SOX11: variants seen among roughly 807,000 people sequenced by gnomAD.
SOX11 encodes transcription factor SOX-11.
SOX11 carries 5 observed loss-of-function variants against 16.7 expected under a neutral mutation model. That is an observed-to-expected ratio of 0.30 (90% CI 0.16 to 0.63). SOX11 has a LOEUF of 0.63. Ranked by LOEUF, SOX11 falls within the 20% of genes least tolerant of loss-of-function variation. The probability of loss-of-function intolerance (pLI) is 0.82; values close to 1 mark genes in which losing one functional copy is unlikely to be tolerated. For missense variants in SOX11, 492 were observed against 641.5 expected, an observed-to-expected ratio of 0.77 and a Z score of 2.52; for synonymous variants, 363 against 298.8, an observed-to-expected ratio of 1.21 and a Z score of -2.22.
Position 5,692,655 on chromosome 2 carries a change from A to T in SOX11, c.-67A>T, listed in dbSNP as rs1175732989. The T allele has an allele frequency of 9.9e-6, 11 of 1,109,782 alleles. No homozygotes were observed. The highest frequency in any genetic ancestry group is 3.6e-5 in the African/African-American group (1 of 28,068). 68.7% of individuals were successfully genotyped at this position (1,109,782 alleles called of 1,614,324 possible). A position where few individuals can be genotyped will look rare whatever the true frequency, so the allele number is the denominator to read the frequency against. ...TTGCCCAGGAAGGTGGAGGGGTGGG[A>T]GGGGGAGGGGGACCTCCGCACGAGA... On this transcript the variant is annotated 5_prime_UTR_variant, in exon 1 of 1. Transcript: ENST00000322002.
Position 5,698,096 on chromosome 2 carries a change from A to G in SOX11, c.*4049A>G, listed in dbSNP as rs1196355296. On this transcript the variant is annotated 3_prime_UTR_variant, in exon 1 of 1. Coordinates refer to ENST00000322002, the MANE Select transcript of SOX11 (RefSeq NM_003108.4). ...ATAAAAGTAATTGTTTGGCAATCTA[A>G]ATTTAAAACCTGTTAGAACTCAGGA... is the stretch of plus-strand genomic sequence containing the variant. 2.4e-5 allele frequency: 4 copies of G among 167,032 alleles called. No homozygotes were observed. The highest frequency in any genetic ancestry group is 9.6e-5 in the African/African-American group (4 of 41,464). 10.3% of individuals were successfully genotyped at this position (167,032 alleles called of 1,614,324 possible). A position where few individuals can be genotyped will look rare whatever the true frequency, so the allele number is the denominator to read the frequency against.
chr2:5,694,511 T>C lies in SOX11; in HGVS notation c.*464T>C. On this transcript the variant is annotated 3_prime_UTR_variant, in exon 1 of 1. Transcript: ENST00000322002. ...AGGCGCTGTTTGAAGCTTGTCGGTC[T>C]TTGAAGTCTGGAAGACGTCTGCAGA... 1 of 308,070 alleles carries C rather than the reference T, an allele frequency of 3.2e-6. No individual in the cohort carries two copies. Among genetic ancestry groups the C allele is most frequent in the Non-Finnish European group, 6.2e-6 (1 of 160,668 alleles). 19.1% of individuals were successfully genotyped at this position (308,070 alleles called of 1,614,324 possible).
At position 5,692,701 on chromosome 2, in the gene SOX11, C is replaced by T; in HGVS notation, c.-21C>T. 6.5e-7 allele frequency: 1 copy of T among 1,540,954 alleles called. No individual in the cohort carries two copies. Among genetic ancestry groups the T allele is most frequent in the Non-Finnish European group, 8.8e-7 (1 of 1,139,510 alleles). On this transcript the variant is annotated 5_prime_UTR_variant, in exon 1 of 1. Transcript: ENST00000322002. ...CGAGACCCAGCGGCCCGGGTTGGAG[C>T]GTCCAGCCCTGCAGCGGATCATGGT...
rs1343594047 is a variant in SOX11 at position 5,694,859 on chromosome 2, T to C, written c.*812T>C. 1.8e-5 allele frequency: 3 copies of C among 166,104 alleles called. No individual in the cohort carries two copies. Among genetic ancestry groups the C allele is most frequent in the Non-Finnish European group, 2.9e-5 (2 of 68,018 alleles). The allele number at this position is 166,104 out of a possible 1,614,324, so 10.3% of individuals were successfully genotyped here. A position where few individuals can be genotyped will look rare whatever the true frequency, so the allele number is the denominator to read the frequency against. ...ATCAAATTGTTTATGGTTTTACAAATGTGATTTCTACTTGCCAACTTTTTT... is the reference window on the plus strand; with the variant it reads ...ATCAAATTGTTTATGGTTTTACAAACGTGATTTCTACTTGCCAACTTTTTT... On this transcript the variant is annotated 3_prime_UTR_variant, in exon 1 of 1. Coordinates refer to ENST00000322002, the MANE Select transcript of SOX11 (RefSeq NM_003108.4).
At position 5,701,342 on chromosome 2, in the gene SOX11, C is replaced by A. The variant is rs1665838001; in HGVS notation, c.*7295C>A. On this transcript the variant is annotated 3_prime_UTR_variant, in exon 1 of 1. Transcript: ENST00000322002. ...TGCAAGAGTTTTTCACAGAGGATTA[C>A]ATTTGTTCAAAAGACTCTAATAAAA... The A allele has an allele frequency of 6.0e-6, 1 of 166,998 alleles. No homozygotes were observed. The highest frequency in any genetic ancestry group is 2.4e-5 in the African/African-American group (1 of 41,426). 10.3% of individuals were successfully genotyped at this position (166,998 alleles called of 1,614,324 possible). A position where few individuals can be genotyped will look rare whatever the true frequency, so the allele number is the denominator to read the frequency against.
Position 5,693,510 on chromosome 2 carries a change from G to A in SOX11, c.789G>A (p.Pro263=), listed in dbSNP as rs746501349. The change falls in exon 1 of 1, where the codon CCG becomes CCA. Residue 263 remains proline, a synonymous_variant. Transcript: ENST00000322002. The surrounding 1 kb of genome is among the most constrained non-coding windows in gnomAD (Gnocchi z 8.6). ...TCCTGCAGCCGCCGGGGCAGCAGCC[G>A]TCGCAGCTGCTGAGACGCTACAACG... The part of the protein sequence containing the change: ...QQLLQPPGQQ[P]SQLLRRYNVA... 6.3e-7 allele frequency: 1 copy of A among 1,575,980 alleles called. No individual in the cohort carries two copies. The highest frequency in any genetic ancestry group is 8.6e-7 in the Non-Finnish European group (1 of 1,168,456).
In SOX11 at chr2:5,698,248, C is replaced by G. The variant is rs1173108927; in HGVS notation, c.*4201C>G. 1.2e-5 allele frequency: 2 copies of G among 166,984 alleles called. No homozygotes were observed. Among genetic ancestry groups the G allele is most frequent in the African/African-American group, 4.8e-5 (2 of 41,420 alleles). The allele number at this position is 166,984 out of a possible 1,614,324, so 10.3% of individuals were successfully genotyped here. ...TATAATACACATGGTATTCTTGCCA[C>G]TGGATAGTCTTCAATAAAAGTTTAA... On this transcript the variant is annotated 3_prime_UTR_variant, in exon 1 of 1. Coordinates refer to ENST00000322002, the MANE Select transcript of SOX11 (RefSeq NM_003108.4).
rs1665783829 is a variant in SOX11, at chr2:5,698,616, G to A, written c.*4569G>A. 1 of 166,846 alleles carries A rather than the reference G, an allele frequency of 6.0e-6. No individual in the cohort carries two copies. The highest frequency in any genetic ancestry group is 2.1e-4 in the South Asian group (1 of 4,820). The allele number at this position is 166,846 out of a possible 1,614,324, so 10.3% of individuals were successfully genotyped here. ...ACTGTGCTTTGCAAATATTGTGTAT[G>A]TTATGAATGACTACAGACACTGGGC... On this transcript the variant is annotated 3_prime_UTR_variant, in exon 1 of 1. Transcript: ENST00000322002.
rs374256122 is a variant in SOX11, at chr2:5,693,122, C to G, written c.401C>G (p.Ala134Gly). The G allele has an allele frequency of 1.2e-6, 2 of 1,611,766 alleles. No homozygotes were observed. The highest frequency in any genetic ancestry group is 8.5e-7 in the Non-Finnish European group (1 of 1,179,606). ...PKMDPSAKPS[A>G]SQSPEKSAAG... ...ATGGACCCCTCGGCCAAGCCCAGCGCCAGCCAGAGCCCAGAGAAGAGCGCG... is the reference window on the plus strand; with the variant it reads ...ATGGACCCCTCGGCCAAGCCCAGCGGCAGCCAGAGCCCAGAGAAGAGCGCG... Residue 134 changes from alanine (A) to glycine (G), a missense_variant, in exon 1 of 1, where the codon GCC becomes GGC. Physicochemically the swap from Ala to Gly is moderately conservative, Grantham distance 60. Around this residue, in one of 4 missense-constraint regions of SOX11, gnomAD observed 389 missense variants for 389.0 expected, o/e 1.00. Coordinates refer to ENST00000322002, the MANE Select transcript of SOX11 (RefSeq NM_003108.4). The surrounding 1 kb of genome is among the most constrained non-coding windows in gnomAD (Gnocchi z 8.6).
At position 5,696,606 on chromosome 2, in the gene SOX11, C is replaced by G. The variant is rs1348921906; in HGVS notation, c.*2559C>G. The G allele has an allele frequency of 2.6e-5, 4 of 152,328 alleles. No homozygotes were observed. Among genetic ancestry groups the G allele is most frequent in the African/African-American group, 2.4e-5 (1 of 41,422 alleles). 9.4% of individuals were successfully genotyped at this position (152,328 alleles called of 1,614,324 possible). On this transcript the variant is annotated 3_prime_UTR_variant, in exon 1 of 1. Transcript: ENST00000322002. ...CGCGCAAGGCAGAGCCCTGACGCTC[C>G]GGGTCCCCGTGCCTGGCTCTTCTTG...
rs887455422 is a variant in SOX11, at chr2:5,695,330, T to A, written c.*1283T>A. 3.0e-5 allele frequency: 5 copies of A among 166,948 alleles called. No individual in the cohort carries two copies. In the East Asian group the frequency reaches 5.8e-4, roughly 19 times the overall value. The allele number at this position is 166,948 out of a possible 1,614,324, so 10.3% of individuals were successfully genotyped here. On this transcript the variant is annotated 3_prime_UTR_variant, in exon 1 of 1. Transcript: ENST00000322002. ...GTTATCTTAGTTTAAAGATTGTATA[T>A]GTACTGTACTATAGTAGGACTTTAT...
rs60344356 is a variant in SOX11 at position 5,699,709 on chromosome 2, CTTTT to C, written c.*5677_*5680del. The C allele has an allele frequency of 0.12, 16,390 of 141,586 alleles. 1,019 individuals carry two copies. Among genetic ancestry groups the C allele is most frequent in the Admixed American group, 0.21 (2,886 of 13,600 alleles). 8.8% of individuals were successfully genotyped at this position (141,586 alleles called of 1,614,324 possible). On this transcript the variant is annotated 3_prime_UTR_variant, in exon 1 of 1. Coordinates refer to ENST00000322002, the MANE Select transcript of SOX11 (RefSeq NM_003108.4). Reference sequence around the variant, plus strand: ...TCTCTTCCATTTTACTTACTGCTGGCTTTTTTTTTTTTTTTTTTCCTTGATTCCT... The same window carrying C: ...TCTCTTCCATTTTACTTACTGCTGGCTTTTTTTTTTTTTTCCTTGATTCCT...
In SOX11 at chr2:5,701,001, A is replaced by T. The variant is rs1408779106; in HGVS notation, c.*6954A>T. ...AACAGAGAGAAGGTAAAGCTACCTG[A>T]GGCAGTGCGCTGGAGGATGAAGTGT... On this transcript the variant is annotated 3_prime_UTR_variant, in exon 1 of 1. Transcript: ENST00000322002. 6.0e-6 allele frequency: 1 copy of T among 166,790 alleles called. No homozygotes were observed. Among genetic ancestry groups the T allele is most frequent in the Non-Finnish European group, 1.5e-5 (1 of 68,112 alleles). The allele number at this position is 166,790 out of a possible 1,614,324, so 10.3% of individuals were successfully genotyped here. A position where few individuals can be genotyped will look rare whatever the true frequency, so the allele number is the denominator to read the frequency against.
In SOX11 at chr2:5,698,298, A is replaced by C. The variant is rs1307663796; in HGVS notation, c.*4251A>C. ...ATTGATTTTTTTTTGTTGGTCTCTT[A>C]AGTAAGTCTTATTTTTAACTAAGCA... On this transcript the variant is annotated 3_prime_UTR_variant, in exon 1 of 1. Coordinates refer to ENST00000322002, the MANE Select transcript of SOX11 (RefSeq NM_003108.4). The C allele has an allele frequency of 6.0e-6, 1 of 166,976 alleles. No individual in the cohort carries two copies. Among genetic ancestry groups the C allele is most frequent in the Non-Finnish European group, 1.5e-5 (1 of 68,102 alleles). The allele number at this position is 166,976 out of a possible 1,614,324, so 10.3% of individuals were successfully genotyped here.
rs372157880 is a variant in SOX11 at position 5,697,295 on chromosome 2, A to T, written c.*3248A>T. The stretch of plus-strand genomic sequence containing the variant: ...ACTCTTTCACCTACTGAGATGATTG[A>T]CCGAGGTTTGGCCTTCCATTTTTAC... On this transcript the variant is annotated 3_prime_UTR_variant, in exon 1 of 1. Transcript: ENST00000322002. 3 of 167,028 alleles carry T rather than the reference A, an allele frequency of 1.8e-5. No individual in the cohort carries two copies. Among genetic ancestry groups the T allele is most frequent in the African/African-American group, 7.2e-5 (3 of 41,444 alleles). 10.3% of individuals were successfully genotyped at this position (167,028 alleles called of 1,614,324 possible). A position where few individuals can be genotyped will look rare whatever the true frequency, so the allele number is the denominator to read the frequency against.
chr2:5,696,983 T>A lies in SOX11; in HGVS notation c.*2936T>A, dbSNP rs1403776423. Reference sequence around the variant, plus strand: ...CGCTCCCCGCTCGCTGAACCCCGTTTGCCTGTCCACACCCCCTCGCTCCCC... The same window carrying A: ...CGCTCCCCGCTCGCTGAACCCCGTTAGCCTGTCCACACCCCCTCGCTCCCC... On this transcript the variant is annotated 3_prime_UTR_variant, in exon 1 of 1. Coordinates refer to ENST00000322002, the MANE Select transcript of SOX11 (RefSeq NM_003108.4). 3 of 156,680 alleles carry A rather than the reference T, an allele frequency of 1.9e-5. No homozygotes were observed. The highest frequency in any genetic ancestry group is 4.4e-5 in the Non-Finnish European group (3 of 68,356). The allele number at this position is 156,680 out of a possible 1,614,324, so 9.7% of individuals were successfully genotyped here. A position where few individuals can be genotyped will look rare whatever the true frequency, so the allele number is the denominator to read the frequency against.
Position 5,697,826 on chromosome 2 carries a change from A to C in SOX11, c.*3779A>C, listed in dbSNP as rs1468050976. Reference sequence around the variant, plus strand: ...CTCCGTGCTGGTGATTTTATGTGGCAGCCCTCTGCTGCAGTTCCGAAACTT... The same window carrying C: ...CTCCGTGCTGGTGATTTTATGTGGCCGCCCTCTGCTGCAGTTCCGAAACTT... On this transcript the variant is annotated 3_prime_UTR_variant, in exon 1 of 1. Transcript: ENST00000322002. 6.0e-6 allele frequency: 1 copy of C among 167,144 alleles called. No individual in the cohort carries two copies. The highest frequency in any genetic ancestry group is 1.5e-5 in the Non-Finnish European group (1 of 68,136). The allele number at this position is 167,144 out of a possible 1,614,324, so 10.4% of individuals were successfully genotyped here. A position where few individuals can be genotyped will look rare whatever the true frequency, so the allele number is the denominator to read the frequency against.
At position 5,694,117 on chromosome 2, in the gene SOX11, GTGA is replaced by G. The variant is rs3841075; in HGVS notation, c.*84_*86del. 146 of 1,444,282 alleles carry G rather than the reference GTGA, an allele frequency of 1.0e-4. 1 individual carries two copies. Among genetic ancestry groups the G allele is most frequent in the Non-Finnish European group, 1.0e-4 (111 of 1,091,316 alleles). 89.5% of individuals were successfully genotyped at this position (1,444,282 alleles called of 1,614,324 possible). ...GGTTCCTTGGGAGGAAGTTGTAGTG[GTGA>G]TGATGATGATGATAATGATGATGAT... On this transcript the variant is annotated 3_prime_UTR_variant, in exon 1 of 1. Transcript: ENST00000322002.
Position 5,692,391 on chromosome 2 carries a change from G to C in SOX11, c.-331G>C, listed in dbSNP as rs1378650354. ...GAGAGACCTCAACTTTTTGCAGAAGGAGCGCGCGCGCCTGGGAGAGCTCGG... is the reference window on the plus strand; with the variant it reads ...GAGAGACCTCAACTTTTTGCAGAAGCAGCGCGCGCGCCTGGGAGAGCTCGG... On this transcript the variant is annotated 5_prime_UTR_variant, in exon 1 of 1. Transcript: ENST00000322002. Among the ~76,000 whole-genome samples the C allele has an allele frequency of 2.0e-5, 3 of 152,024 alleles. No homozygotes were observed. Among genetic ancestry groups the C allele is most frequent in the East Asian group, 2.0e-4 (1 of 5,102 alleles).
Sources: gnomAD v4.1 joint callset for allele counts (sites outside exome capture counted in the v4.1 genomes callset) on GRCh38, gnomAD v4.1.1 for gene constraint, gnomAD v4.1.1 regional missense constraint, Gnocchi (gnomAD v3.1) non-coding constraint, MANE v1.5 for transcripts, NCBI Gene and HGNC (gene_info 2026-07-23, HGNC 2026-07-21) for gene names.